The following PARD3 variants were observed in gnomAD, a reference collection of about 807,000 sequenced individuals.
PARD3 encodes par-3 family cell polarity regulator.
A neutral mutation model predicts 155.4 loss-of-function variants in PARD3; 75 were observed. The observed-to-expected ratio is 0.48, with a 90% confidence interval of 0.40 to 0.58. The LOEUF (loss-of-function observed/expected upper bound fraction) is 0.58. PARD3 is among the 20% of genes least tolerant of loss of function. The pLI, the probability that PARD3 is intolerant of heterozygous loss-of-function variation, is 0.00. For synonymous variants in PARD3, 576 were observed against 610.5 expected, an observed-to-expected ratio of 0.94 and a Z score of 0.83; for missense variants, 1,642 against 1,721.7, an observed-to-expected ratio of 0.95 and a Z score of 0.82.
At chr10:34,255,267 C>T (rs550955897) in intron 22 of PARD3, among the ~76,000 whole-genome samples, 1 of 152,284 alleles carries the variant, frequency 6.6e-6, no homozygotes, top group Admixed American at 6.5e-5. Flanking sequence ...TTCCAATCCA[C>T]GCTATAGTTT....
At chr10:34,700,364 C>T (rs2094251978) in intron 1 of PARD3, among the ~76,000 whole-genome samples, 1 of 152,210 alleles carries the variant, frequency 6.6e-6, no homozygotes, top group Admixed American at 6.5e-5. Context: ...GCCCACTCTA[C>T]TCCAGGATGT....
At chr10:34,362,238 G>A (rs1200534773) in intron 12 of PARD3, among the ~76,000 whole-genome samples, 8 of 152,140 alleles carry the variant, frequency 5.3e-5, no homozygotes, top group Admixed American at 5.2e-4. Flanking sequence ...GGTGGACCTT[G>A]CAGTGAGTGG....
intron 22 of PARD3, among the ~76,000 whole-genome samples, chr10:34,204,845 T>C (rs577634120): frequency 2.0e-5 from 3 of 152,350 alleles, no homozygotes; most frequent in Non-Finnish European, 2.9e-5. Context: ...AGAACACTTG[T>C]TTATTTGGCA....
intron 21 of PARD3, among the ~76,000 whole-genome samples, chr10:34,282,621 C>T (rs1956210631): frequency 6.6e-6 from 1 of 152,008 alleles, no homozygotes; most frequent in African/African-American, 2.4e-5. Flanking sequence ...GCTATCTATC[C>T]CCTGTGGCAG....
intron 5 of PARD3, among the ~76,000 whole-genome samples, chr10:34,441,273 A>G (rs940229966): frequency 6.6e-6 from 1 of 152,150 alleles, no homozygotes. Flanking sequence ...AAAGATATGA[A>G]AGAAAACATC....
At chr10:34,172,592 C>T (rs1949846811) in intron 22 of PARD3, among the ~76,000 whole-genome samples, 1 of 152,040 alleles carries the variant, frequency 6.6e-6, no homozygotes, top group South Asian at 2.1e-4. Context: ...GATGCTGAGA[C>T]TGCTGTGCAT....
intron 20 of PARD3, among the ~76,000 whole-genome samples, chr10:34,299,240 G>A (rs996778175): frequency 2.0e-5 from 3 of 152,198 alleles, no homozygotes; most frequent in Non-Finnish European, 4.4e-5. Context: ...AACACCAATA[G>A]ATATTCAGGC....
At chr10:34,677,015 T>C (rs1032149746) in intron 2 of PARD3, among the ~76,000 whole-genome samples, 2 of 152,200 alleles carry the variant, frequency 1.3e-5, no homozygotes, top group African/African-American at 2.4e-5. Context: ...TTGAAGAAAA[T>C]ATCACATCGA....
chr10:34,752,112 G>A (rs1013478934), intron 1 of PARD3, among the ~76,000 whole-genome samples: 1 of 152,010 alleles, frequency 6.6e-6, no homozygotes. Flanking sequence ...TTTTCTTACA[G>A]AATAACAATG....
At chr10:34,575,613 T>C (rs1031865399) in intron 2 of PARD3, among the ~76,000 whole-genome samples, 15 of 152,148 alleles carry the variant, frequency 9.9e-5, no homozygotes, top group Non-Finnish European at 1.9e-4. Context: ...ATTGGGTATT[T>C]GGCCGGGAGC....
Position 34,269,638 on chromosome 10 carries a change from G to A in PARD3, c.3419+19C>T, listed in dbSNP as rs377111454. 3.9e-4 allele frequency: 623 copies of A among 1,610,170 alleles called. 3 individuals are homozygous for A. In the African/African-American group the frequency reaches 7.5e-3, roughly 19 times the overall value. On this transcript the variant is annotated intron_variant, in intron 22 of 24. Transcript: ENST00000374788. The stretch of plus-strand genomic sequence containing the variant: ...AAAGCTGATTTGGAAGCAATACCAC[G>A]ATTGCCCCTGGCGCCTACCTGTCTA...
intron 22 of PARD3, among the ~76,000 whole-genome samples, chr10:34,156,722 A>G (rs960945715): frequency 6.6e-6 from 1 of 152,208 alleles, no homozygotes; most frequent in African/African-American, 2.4e-5. Context: ...TTTGAGGAGC[A>G]GCCTCCCAGA....
At chr10:34,812,391 C>A (rs552604913) in intron 1 of PARD3, among the ~76,000 whole-genome samples, 1 of 152,270 alleles carries the variant, frequency 6.6e-6, no homozygotes, top group African/African-American at 2.4e-5. Context: ...ATCCAGCCAC[C>A]CAATTCTTCA....
intron 7 of PARD3, among the ~76,000 whole-genome samples, chr10:34,393,497 C>T (rs1225567708): frequency 3.9e-5 from 6 of 151,924 alleles, no homozygotes; most frequent in Non-Finnish European, 7.4e-5. Context: ...GGAAAAATCA[C>T]CTAAGCCCGG....
chr10:34,188,494 A>G (rs1358714485), intron 22 of PARD3, among the ~76,000 whole-genome samples: 1 of 152,196 alleles, frequency 6.6e-6, no homozygotes, highest in Non-Finnish European at 1.5e-5. Flanking sequence ...AACCTGGGCC[A>G]GAAAAGAATT....
Position 34,604,234 on chromosome 10 carries a change from G to T in PARD3, c.223-87075C>A, listed in dbSNP as rs142004708. Among the ~76,000 whole-genome samples, 3 of 152,290 alleles carry T rather than the reference G, an allele frequency of 2.0e-5. No homozygotes were observed. The East Asian group carries it at 5.8e-4, about 29-fold the overall frequency. On this transcript the variant is annotated intron_variant, in intron 2 of 24. Coordinates refer to ENST00000374788, the MANE Select transcript of PARD3 (RefSeq NM_001184785.2). ...TGTCAACTTGATTGGATTGAGGGAT[G>T]CGAAGTATGAACCCTGGGTGTGTCT...
chr10:34,398,441 G>A (rs1843558746), intron 7 of PARD3, among the ~76,000 whole-genome samples: 1 of 151,616 alleles, frequency 6.6e-6, no homozygotes, highest in Non-Finnish European at 1.5e-5. Context: ...ACCATGTAAA[G>A]AAAGTTAAAA....
At chr10:34,284,799 G>T (rs1312855523) in intron 20 of PARD3, among the ~76,000 whole-genome samples, 1 of 152,150 alleles carries the variant, frequency 6.6e-6, no homozygotes, top group Non-Finnish European at 1.5e-5. Context: ...TAAATTGAAA[G>T]GTTTAAGGTA....
chr10:34,175,412 G>A (rs1258864262), intron 22 of PARD3, among the ~76,000 whole-genome samples: 2 of 152,158 alleles, frequency 1.3e-5, no homozygotes, highest in Admixed American at 6.5e-5. Flanking sequence ...AACCATGCCA[G>A]CCATAAAGGA....
Sources: gnomAD v4.1 joint callset for allele counts (sites outside exome capture counted in the v4.1 genomes callset) on GRCh38, gnomAD v4.1.1 for gene constraint, MANE v1.5 for transcripts, NCBI Gene and HGNC (gene_info 2026-07-23, HGNC 2026-07-21) for gene names.